Variants in U2AF2 observed in about 807,000 individuals in gnomAD.
U2AF2 encodes U2 small nuclear RNA auxiliary factor 2.
A neutral mutation model predicts 52.6 loss-of-function variants in U2AF2; 6 were observed. The observed-to-expected ratio is 0.11, with a 90% CI of 0.06 to 0.23. The LOEUF is 0.23. Ranked by LOEUF, U2AF2 falls within the 10% of genes least tolerant of loss-of-function variation. The pLI, the probability that U2AF2 is intolerant of heterozygous loss-of-function variation, is 1.00. For synonymous variants in U2AF2, 284 were observed against 258.2 expected (o/e 1.10, Z -0.96); for missense variants, 222 against 677.1 (o/e 0.33, Z 7.46).
chr19:55,660,292 G>T, intron 3 of U2AF2, 71 bp downstream of exon 3: 3 of 1,541,064 alleles, frequency 1.9e-6, no homozygotes, highest in South Asian at 2.4e-5. Context: ...CGTGCACCCT[G>T]TCCCGCCCAT....
chr19:55,659,184 G>A (rs766571849), intron 1 of U2AF2, 26 bp from the exon 2 acceptor site: 19 of 1,524,286 alleles, frequency 1.2e-5, no homozygotes, highest in Admixed American at 4.0e-5. Flanking sequence ...CGCTTATCCC[G>A]TGCCCCTCCT....
intron 11 of U2AF2, among the ~76,000 whole-genome samples, chr19:55,671,006 C>A (rs1312121694): frequency 6.6e-6 from 1 of 152,196 alleles, no homozygotes; most frequent in African/African-American, 2.4e-5. Context: ...AGGACCAAGG[C>A]TGGCTCTGCA....
chr19:55,665,321 C>A (rs941622786), intron 7 of U2AF2, among the ~76,000 whole-genome samples: 4 of 144,766 alleles, frequency 2.8e-5, no homozygotes, highest in Non-Finnish European at 4.6e-5. Context: ...CCTCCATGGA[C>A]GGCAGTTCTA....
chr19:55,662,093 C>G (rs554818293), intron 5 of U2AF2: 1 of 168,894 alleles, frequency 5.9e-6, no homozygotes, highest in Admixed American at 6.0e-5. Flanking sequence ...TGCCACTTTT[C>G]TGTCTGTCTC....
chr19:55,659,081 C>G, intron 1 of U2AF2, 129 bp from the exon 2 acceptor site: 1 of 1,325,460 alleles, frequency 7.5e-7, no homozygotes, highest in East Asian at 3.0e-5. Flanking sequence ...AATTCCCTTC[C>G]TCCATTGAAT....
chr19:55,661,066 T>G lies in U2AF2; in HGVS notation c.363T>G (p.Leu121=), dbSNP rs1355329299. The G allele has an allele frequency of 6.3e-7, 1 of 1,594,066 alleles. No individual in the cohort carries two copies. The highest frequency in any genetic ancestry group is 2.3e-5 in the East Asian group (1 of 43,980). ...CGGGTCAGATTCCAGCCACTGCTCT[T>G]CTCCCCACCATGACCCCTGACGGTC... is the stretch of plus-strand genomic sequence containing the variant. ...QAAGQIPATA[L]LPTMTPDGLA... Residue 121 remains leucine (L), a synonymous_variant, in exon 5 of 12, where the codon CTT becomes CTG. Coordinates refer to ENST00000308924, the MANE Select transcript of U2AF2 (RefSeq NM_007279.3).
chr19:55,660,766 T>G, intron 4 of U2AF2, 147 bp downstream of exon 4: 1 of 900,380 alleles, frequency 1.1e-6, no homozygotes, highest in East Asian at 2.8e-5. Context: ...CTCTGCGCTT[T>G]TGAAGCCTCC....
chr19:55,655,222 T>G, intron 1 of U2AF2, 69 bp downstream of exon 1: 1 of 1,530,566 alleles, frequency 6.5e-7, no homozygotes, highest in Admixed American at 1.8e-5. Context: ...CCCCCCGCCA[T>G]TTTCTCCCTC....
At chr19:55,660,352 G>C in intron 3 of U2AF2, 131 bp downstream of exon 3, 1 of 1,181,914 alleles carries the variant, frequency 8.5e-7, no homozygotes, top group Non-Finnish European at 1.2e-6. Context: ...CTTGAAACCA[G>C]CACCCCTTTC....
chr19:55,669,358 G>A (rs954774486), intron 10 of U2AF2, 86 bp from the exon 11 acceptor site: 1 of 1,544,106 alleles, frequency 6.5e-7, no homozygotes, highest in Non-Finnish European at 8.7e-7. Flanking sequence ...CTTTCCCCTG[G>A]GGGGGCATGT....
At chr19:55,662,446 T>A in intron 5 of U2AF2, 56 bp from the exon 6 acceptor site, 3 of 494,860 alleles carry the variant, frequency 6.1e-6, no homozygotes, top group Non-Finnish European at 8.8e-6. Context: ...ACCCTTCCCC[T>A]CCTCTCTCCA....
At chr19:55,657,052 A>G (rs930033118) in intron 1 of U2AF2, among the ~76,000 whole-genome samples, 3 of 152,224 alleles carry the variant, frequency 2.0e-5, no homozygotes, top group African/African-American at 7.2e-5. Flanking sequence ...AAAAGCAGGT[A>G]CTGATTCTGA....
rs369340285 is a variant in U2AF2 at position 55,674,072 on chromosome 19, C to T, written c.*4C>T. 11 of 705,576 alleles carry T rather than the reference C, an allele frequency of 1.6e-5. No individual in the cohort carries two copies. Among genetic ancestry groups the T allele is most frequent in the African/African-American group, 5.6e-5 (3 of 53,964 alleles). The allele number at this position is 705,576 out of a possible 1,614,324, so 43.7% of individuals were successfully genotyped here. A position where few individuals can be genotyped will look rare whatever the true frequency, so the allele number is the denominator to read the frequency against. On this transcript the variant is annotated 3_prime_UTR_variant, in exon 12 of 12. Coordinates refer to ENST00000308924, the MANE Select transcript of U2AF2 (RefSeq NM_007279.3). ...TCACCGCCGGGACTTCTGGTAGAGGCGGCTGGGGGAGGGTGGGGGCAGGGC... is the reference window on the plus strand; with the variant it reads ...TCACCGCCGGGACTTCTGGTAGAGGTGGCTGGGGGAGGGTGGGGGCAGGGC...
chr19:55,664,688 G>A (rs1984429769), intron 7 of U2AF2, among the ~76,000 whole-genome samples: 1 of 152,196 alleles, frequency 6.6e-6, no homozygotes, highest in Non-Finnish European at 1.5e-5. Flanking sequence ...ACTTGGGCTA[G>A]GTCCCTCACT....
In U2AF2 at chr19:55,668,615, T is replaced by TACCCCCCCCCCCCCC; in HGVS notation, c.822+29_822+30insACCCCCCCCCCCCCC. ...ACTTCCCTGCCTCCCTCCAGACCCG[T>TACCCCCCCCCCCCCC]CCCCCCACCCCGCCCCACCTCATCC... On this transcript the variant is annotated intron_variant, in intron 8 of 11. Coordinates refer to ENST00000308924, the MANE Select transcript of U2AF2 (RefSeq NM_007279.3). The surrounding 1 kb of genome is among the most constrained non-coding windows in gnomAD (Gnocchi z 5.5). 6.6e-7 allele frequency: 1 copy of TACCCCCCCCCCCCCC among 1,514,026 alleles called. No individual in the cohort carries two copies. The highest frequency in any genetic ancestry group is 9.1e-7 in the Non-Finnish European group (1 of 1,097,238). The allele number at this position is 1,514,026 out of a possible 1,614,324, so 93.8% of individuals were successfully genotyped here.
chr19:55,655,165 G>A lies in U2AF2; in HGVS notation c.49+12G>A, dbSNP rs763829572. 2 of 1,602,324 alleles carry A rather than the reference G, an allele frequency of 1.2e-6. No homozygotes were observed. The highest frequency in any genetic ancestry group is 1.7e-6 in the Non-Finnish European group (2 of 1,175,400). ...CGAGAATAAACAAGGTGAGGGCACC[G>A]GGGTCGCGGGGCGGAGGTGTGGGCG... On this transcript the variant is annotated intron_variant, in intron 1 of 11. Coordinates refer to ENST00000308924, the MANE Select transcript of U2AF2 (RefSeq NM_007279.3).
Position 55,674,286 on chromosome 19 carries a change from C to T in U2AF2, c.*218C>T. On this transcript the variant is annotated 3_prime_UTR_variant, in exon 12 of 12. Transcript: ENST00000308924. The stretch of plus-strand genomic sequence containing the variant: ...GGGACTGGGGAAGTGCGCACACAGC[C>T]CACACAGACAACACGCACCCACACA... The T allele has an allele frequency of 1.9e-6, 1 of 540,018 alleles. No individual in the cohort carries two copies. The allele number at this position is 540,018 out of a possible 1,614,324, so 33.5% of individuals were successfully genotyped here. A position where few individuals can be genotyped will look rare whatever the true frequency, so the allele number is the denominator to read the frequency against.
chr19:55,659,021 C>T, intron 1 of U2AF2, 189 bp from the exon 2 acceptor site: 1 of 904,572 alleles, frequency 1.1e-6, no homozygotes, highest in East Asian at 3.3e-5. Flanking sequence ...CCCCGTCCCC[C>T]TGGTCCCCTC....
intron 1 of U2AF2, among the ~76,000 whole-genome samples, chr19:55,658,002 T>G (rs1343619628): frequency 6.6e-6 from 1 of 152,240 alleles, no homozygotes; most frequent in Non-Finnish European, 1.5e-5. Context: ...TTTTCCCTGC[T>G]GGGTGCATAT....
Sources: allele counts gnomAD v4.1 joint callset (sites outside exome capture counted in the v4.1 genomes callset), GRCh38; gene constraint gnomAD v4.1.1; non-coding constraint Gnocchi (gnomAD v3.1); transcripts MANE v1.5; gene names NCBI Gene and HGNC (gene_info 2026-07-23, HGNC 2026-07-21).